The following JMJD6 variants were observed in gnomAD, a reference collection of about 807,000 sequenced individuals.
The protein encoded by JMJD6 is bifunctional arginine demethylase and lysyl-hydroxylase JMJD6.
Under a neutral mutation model 45.8 loss-of-function variants are expected in JMJD6, and 17 were observed. The ratio of observed to expected loss-of-function variants is 0.37; its 90% CI spans 0.25 to 0.56. The LOEUF is 0.56. Among genes scored for constraint, JMJD6 ranks in the 20% least tolerant of loss-of-function variants. JMJD6 has a pLI of 0.79. For missense variants in JMJD6, 470 were observed against 517.5 expected, an observed-to-expected ratio of 0.91 and a Z score of 0.89; for synonymous variants, 221 against 196.3, an observed-to-expected ratio of 1.13 and a Z score of -1.05.
At position 76,718,552 on chromosome 17, in the gene JMJD6, T is replaced by C; in HGVS notation, c.*177A>G. The C allele has an allele frequency of 7.2e-7, 1 of 1,391,326 alleles. No homozygotes were observed. The allele number at this position is 1,391,326 out of a possible 1,614,324, so 86.2% of individuals were successfully genotyped here. A position where few individuals can be genotyped will look rare whatever the true frequency, so the allele number is the denominator to read the frequency against. ...AACAAGCCGCGTTTATCTGCATTGGTAGCAGAGGGAAAGCTACTGGAGCAA... is the reference window on the plus strand; with the variant it reads ...AACAAGCCGCGTTTATCTGCATTGGCAGCAGAGGGAAAGCTACTGGAGCAA... On this transcript the variant is annotated 3_prime_UTR_variant, in exon 6 of 6. Coordinates refer to ENST00000397625, the MANE Select transcript of JMJD6 (RefSeq NM_015167.3).
intron 2 of JMJD6, among the ~76,000 whole-genome samples, chr17:76,724,497 A>G (rs541826915): frequency 1.3e-5 from 2 of 152,220 alleles, no homozygotes; most frequent in South Asian, 2.1e-4. Context: ...CACTGGGTGC[A>G]TTGTTCATGG....
downstream of JMJD6, chr17:76,714,508 TCCA>T (rs2143712503): frequency 6.6e-6 from 1 of 152,382 alleles, no homozygotes; most frequent in African/African-American, 2.4e-5. Context: ...CCGCCACCAC[TCCA>T]CTCCTTTTCC....
intron 3 of JMJD6, 23 bp downstream of exon 3, chr17:76,723,749 A>G (rs755537078): frequency 1.2e-6 from 2 of 1,608,244 alleles, no homozygotes; most frequent in East Asian, 2.2e-5. Flanking sequence ...CAAAGAATGT[A>G]CTTTCTTCCA....
chr17:76,718,829 A>G lies in JMJD6; in HGVS notation c.1112T>C (p.Val371Ala). 6.2e-7 allele frequency: 1 copy of G among 1,614,174 alleles called. No individual in the cohort carries two copies. The highest frequency in any genetic ancestry group is 8.5e-7 in the Non-Finnish European group (1 of 1,180,018). Reference sequence around the variant, plus strand: ...CGTCCTCCTCTTCTTCCTGCGGTGCACTGTCCCATCGCCCTCGGATCCAGA... The same window carrying G: ...CGTCCTCCTCTTCTTCCTGCGGTGCGCTGTCCCATCGCCCTCGGATCCAGA... ...CESGSEGDGTVHRRKKRRTCS... is the reference protein window; with the variant it reads ...CESGSEGDGTAHRRKKRRTCS... Residue 371 changes from valine (V) to alanine (A), a missense_variant, in exon 6 of 6, where the codon GTG (valine) becomes GCG (alanine). By Grantham distance (64) the Val-to-Ala change is moderately conservative. This residue lies in a region of JMJD6 where 45 missense variants were observed against 37.2 expected (regional missense o/e 1.21). Transcript: ENST00000397625.
intron 5 of JMJD6, 86 bp downstream of exon 5, chr17:76,720,274 T>C (rs1439972508): frequency 8.3e-7 from 1 of 1,208,770 alleles, no homozygotes; most frequent in Non-Finnish European, 1.2e-6. Flanking sequence ...TTCTCCTGGA[T>C]AGGAGGAGGA....
chr17:76,726,009 C>T (rs2076919690), intron 1 of JMJD6, among the ~76,000 whole-genome samples, 154 bp from the exon 2 acceptor site: 1 of 152,218 alleles, frequency 6.6e-6, no homozygotes, highest in Non-Finnish European at 1.5e-5. Context: ...GTGCGTGAGG[C>T]CACGTCGTTC....
chr17:76,717,548 A>G (rs1024304119), downstream of JMJD6, among the ~76,000 whole-genome samples: 9 of 152,200 alleles, frequency 5.9e-5, no homozygotes, highest in African/African-American at 1.7e-4. Context: ...GACGTGATTA[A>G]GTTTTTATAA....
At chr17:76,721,063 G>C (rs2076817934) in intron 4 of JMJD6, among the ~76,000 whole-genome samples, 1 of 152,182 alleles carries the variant, frequency 6.6e-6, no homozygotes, top group African/African-American at 2.4e-5. Flanking sequence ...ACCTTATCTG[G>C]CATCCACTGT....
intron 5 of JMJD6, 97 bp from the exon 6 acceptor site, chr17:76,718,957 GT>G: frequency 8.2e-7 from 1 of 1,225,118 alleles, no homozygotes; most frequent in Non-Finnish European, 1.1e-6. Context: ...ACAGATATTG[GT>G]CACTTTCTCC....
At chr17:76,719,900 T>C (rs1049287061) in intron 5 of JMJD6, among the ~76,000 whole-genome samples, 1 of 152,138 alleles carries the variant, frequency 6.6e-6, no homozygotes, top group African/African-American at 2.4e-5. Flanking sequence ...GGCGGGTGGA[T>C]CACCTGAAGT....
At chr17:76,715,323 A>AGGAGGGAGAGCAGCCCCCATG (rs2076756627), downstream of JMJD6, 1 of 152,230 alleles carries the variant, frequency 6.6e-6, no homozygotes, top group African/African-American at 2.4e-5. Context: ...CGTGGGGGTA[A>AGGAGGGAGAGCAGCCCCCATG]GGAGGGAGAG....
rs544273877 is a variant in JMJD6, at chr17:76,719,374, C to T, written c.1081-514G>A. Among the ~76,000 whole-genome samples the T allele has an allele frequency of 3.9e-5, 6 of 152,172 alleles. No homozygotes were observed. The South Asian group carries it at 1.0e-3, about 26-fold the overall frequency. On this transcript the variant is annotated intron_variant, in intron 5 of 5. Transcript: ENST00000397625. The stretch of plus-strand genomic sequence containing the variant: ...TATGATCTTGGCTCACCGTAGCCTT[C>T]GCCTCCTGGGTTCAAGTGATTCTCC...
chr17:76,718,377 T>G, downstream of JMJD6: 1 of 1,096,224 alleles, frequency 9.1e-7, no homozygotes, highest in Non-Finnish European at 1.2e-6. Flanking sequence ...GTCACTGCTT[T>G]CCCCCAAGAC....
downstream of JMJD6, chr17:76,716,444 C>G (rs1404512667): frequency 2.0e-6 from 1 of 512,658 alleles, no homozygotes; most frequent in Non-Finnish European, 3.5e-6. Context: ...AACCTTCTTA[C>G]CCAACATCCC....
At chr17:76,717,308 A>G (rs1410833541), downstream of JMJD6, among the ~76,000 whole-genome samples, 1 of 152,182 alleles carries the variant, frequency 6.6e-6, no homozygotes, top group Non-Finnish European at 1.5e-5. Context: ...TTGGCCTCCC[A>G]AAGTGCTGGG....
At chr17:76,713,359 A>G (rs1445488211) in exon 7 of JMJD6, 2 of 152,218 alleles carry the variant, frequency 1.3e-5, no homozygotes, top group African/African-American at 4.8e-5. Flanking sequence ...TGGCCTCCCA[A>G]AGTGCTGGGA....
chr17:76,725,591 T>C lies in JMJD6; in HGVS notation c.394A>G (p.Ile132Val), dbSNP rs372553878. ...TGTTCACCATAGCTGCTGTCAAAGA[T>C]GTAAAGGGGACTATCATCTCGAGTG... ...ESTRDDSPLY[I>V]FDSSYGEHPK... Residue 132 changes from isoleucine (I) to valine (V), a missense_variant, in exon 2 of 6, where the codon ATC (isoleucine) becomes GTC (valine). By Grantham distance (29) the Ile-to-Val change is conservative. Around this residue, in one of 4 missense-constraint regions of JMJD6, gnomAD observed 346 missense variants for 339.5 expected, o/e 1.02. Coordinates refer to ENST00000397625, the MANE Select transcript of JMJD6 (RefSeq NM_015167.3). The C allele has an allele frequency of 3.7e-6, 6 of 1,613,946 alleles. No homozygotes were observed. The highest frequency in any genetic ancestry group is 1.6e-4 in the Middle Eastern group (1 of 6,084).
At position 76,718,487 on chromosome 17, in the gene JMJD6, G is replaced by A. The variant is rs1464172900; in HGVS notation, c.*242C>T. ...TTCAATTTTTATTAAATAATGTAAA[G>A]GATTTTCTTGGCACTATTCACATTC... On this transcript the variant is annotated 3_prime_UTR_variant, in exon 6 of 6. Coordinates refer to ENST00000397625, the MANE Select transcript of JMJD6 (RefSeq NM_015167.3). 7.6e-7 allele frequency: 1 copy of A among 1,317,452 alleles called. No homozygotes were observed. The highest frequency in any genetic ancestry group is 9.6e-7 in the Non-Finnish European group (1 of 1,037,570). 81.6% of individuals were successfully genotyped at this position (1,317,452 alleles called of 1,614,324 possible).
At position 76,718,592 on chromosome 17, in the gene JMJD6, G is replaced by T; in HGVS notation, c.*137C>A. On this transcript the variant is annotated 3_prime_UTR_variant, in exon 6 of 6. Transcript: ENST00000397625. ...TACTGGAGCAAACGCTAAGTGAATG[G>T]GTTCCCGTGCCGAGGGTGTCCTCAT... 1 of 1,449,074 alleles carries T rather than the reference G, an allele frequency of 6.9e-7. No homozygotes were observed. The highest frequency in any genetic ancestry group is 2.8e-5 in the Admixed American group (1 of 36,016). 89.8% of individuals were successfully genotyped at this position (1,449,074 alleles called of 1,614,324 possible). A position where few individuals can be genotyped will look rare whatever the true frequency, so the allele number is the denominator to read the frequency against.
Sources: gnomAD v4.1 joint callset for allele counts (sites outside exome capture counted in the v4.1 genomes callset) on GRCh38, gnomAD v4.1.1 for gene constraint, gnomAD v4.1.1 regional missense constraint, MANE v1.5 for transcripts, NCBI Gene and HGNC (gene_info 2026-07-23, HGNC 2026-07-21) for gene names.